Variants in MTHFD1L observed in about 807,000 individuals in gnomAD.
MTHFD1L encodes methylenetetrahydrofolate dehydrogenase (NADP+ dependent) 1 like.
Under a neutral mutation model 119.5 loss-of-function variants are expected in MTHFD1L, and 81 were observed. The ratio of observed to expected loss-of-function variants is 0.68; its 90% confidence interval spans 0.57 to 0.82. The LOEUF is 0.82. Ranked by LOEUF, MTHFD1L falls within the 40% of genes least tolerant of loss-of-function variation. The pLI, the probability that MTHFD1L is intolerant of heterozygous loss-of-function variation, is 0.00. For missense variants in MTHFD1L, 1,125 were observed against 1,253.4 expected (o/e 0.90, Z 1.55); for synonymous variants, 430 against 475.2 (o/e 0.90, Z 1.24).
At chr6:151,013,630 T>C (rs766652927) in intron 21 of MTHFD1L, 149 bp from the exon 22 acceptor site, 27 of 725,614 alleles carry the variant, frequency 3.7e-5, no homozygotes, top group Non-Finnish European at 6.0e-5. Flanking sequence ...AGTTTAGGTT[T>C]AGCCAGTGCT....
At chr6:150,980,080 T>G (rs1312918963) in intron 20 of MTHFD1L, among the ~76,000 whole-genome samples, 3 of 152,254 alleles carry the variant, frequency 2.0e-5, no homozygotes, top group Non-Finnish European at 4.4e-5. Flanking sequence ...GATCTCAGCC[T>G]GGGCTCCACT....
intron 26 of MTHFD1L, among the ~76,000 whole-genome samples, chr6:151,065,957 G>T (rs965026291): frequency 6.6e-6 from 1 of 152,238 alleles, no homozygotes; most frequent in Non-Finnish European, 1.5e-5. Flanking sequence ...GCAGGTGTAT[G>T]TTGGAGTCCA....
chr6:151,076,939 C>T (rs1301611776), intron 26 of MTHFD1L, among the ~76,000 whole-genome samples: 1 of 152,098 alleles, frequency 6.6e-6, no homozygotes, highest in East Asian at 1.9e-4. Context: ...TTGACATGTG[C>T]AGTTTATTGT....
chr6:150,983,688 A>G (rs1459346893), intron 20 of MTHFD1L, among the ~76,000 whole-genome samples: 1 of 152,180 alleles, frequency 6.6e-6, no homozygotes, highest in Non-Finnish European at 1.5e-5. Flanking sequence ...CAATCCTAGG[A>G]ACTGTTACGT....
intron 1 of MTHFD1L, among the ~76,000 whole-genome samples, chr6:150,872,603 A>G (rs1329227481): frequency 6.6e-6 from 1 of 152,170 alleles, no homozygotes; most frequent in Non-Finnish European, 1.5e-5. Context: ...TCACCAGAAC[A>G]AACATACTAA....
chr6:150,953,108 T>A (rs140639680), intron 16 of MTHFD1L, among the ~76,000 whole-genome samples: 263 of 152,248 alleles, frequency 1.7e-3, no homozygotes, highest in African/African-American at 6.1e-3. Flanking sequence ...CCTCAGGGAA[T>A]CAACCATCAA....
At chr6:151,063,718 C>G (rs1051258621) in intron 26 of MTHFD1L, among the ~76,000 whole-genome samples, 4 of 152,020 alleles carry the variant, frequency 2.6e-5, no homozygotes, top group Non-Finnish European at 5.9e-5. Context: ...CAAACTTATG[C>G]AAATGTATTT....
intron 26 of MTHFD1L, among the ~76,000 whole-genome samples, chr6:151,054,248 T>A (rs1429800847): frequency 2.0e-5 from 3 of 152,158 alleles, no homozygotes; most frequent in Non-Finnish European, 4.4e-5. Flanking sequence ...TACAACAACA[T>A]CACGAAAAAG....
chr6:151,062,188 G>A (rs894679464), intron 26 of MTHFD1L, among the ~76,000 whole-genome samples: 4 of 152,166 alleles, frequency 2.6e-5, no homozygotes, highest in East Asian at 3.9e-4. Context: ...TGTAATCCCA[G>A]CACTTTGGAA....
chr6:150,932,152 ACT>A (rs1463464549), intron 11 of MTHFD1L, among the ~76,000 whole-genome samples: 1 of 103,304 alleles, frequency 9.7e-6, no homozygotes, highest in African/African-American at 4.3e-5. Flanking sequence ...ACAGAGTGAG[ACT>A]CCATCTCAAA....
Position 150,911,555 on chromosome 6 carries a change from G to C in MTHFD1L, c.892+5794G>C, listed in dbSNP as rs922355380. ...TATGATGCTGGCATTTGCTTGGAAGGCCTTCTGGAAGGCCTCAGGAAACTT... is the reference window on the plus strand; with the variant it reads ...TATGATGCTGGCATTTGCTTGGAAGCCCTTCTGGAAGGCCTCAGGAAACTT... On this transcript the variant is annotated intron_variant, in intron 8 of 27. Coordinates refer to ENST00000367321, the MANE Select transcript of MTHFD1L (RefSeq NM_015440.5). Among the ~76,000 whole-genome samples the C allele has an allele frequency of 4.6e-5, 7 of 152,238 alleles. No homozygotes were observed. In the South Asian group the frequency reaches 1.5e-3, roughly 32 times the overall value.
chr6:151,048,856 G>A lies in MTHFD1L; in HGVS notation c.2847+11739G>A, dbSNP rs544386909. Among the ~76,000 whole-genome samples, 3 of 152,304 alleles carry A rather than the reference G, an allele frequency of 2.0e-5. No individual in the cohort carries two copies. The East Asian group carries it at 5.8e-4, about 29-fold the overall frequency. ...TCAACAATAGCACGCTTCTGTGGCTGGCTGTGTGGGGGCTTTTCCTTACAC... is the reference window on the plus strand; with the variant it reads ...TCAACAATAGCACGCTTCTGTGGCTAGCTGTGTGGGGGCTTTTCCTTACAC... On this transcript the variant is annotated intron_variant, in intron 26 of 27. Coordinates refer to ENST00000367321, the MANE Select transcript of MTHFD1L (RefSeq NM_015440.5).
intron 25 of MTHFD1L, among the ~76,000 whole-genome samples, chr6:151,035,079 G>A (rs1300055285): frequency 2.0e-5 from 3 of 152,212 alleles, no homozygotes; most frequent in East Asian, 3.9e-4. Flanking sequence ...TTATGCAAGC[G>A]GTTCACTGGC....
intron 8 of MTHFD1L, among the ~76,000 whole-genome samples, chr6:150,907,410 G>A (rs185428088): frequency 2.6e-5 from 4 of 152,266 alleles, no homozygotes; most frequent in East Asian, 1.9e-4. Context: ...GATGTTCCTC[G>A]ACTGACCATG....
chr6:150,954,217 A>G lies in MTHFD1L; in HGVS notation c.1727-1778A>G, dbSNP rs150101239. Among the ~76,000 whole-genome samples the G allele has an allele frequency of 2.0e-3, 307 of 152,364 alleles. 1 individual carries two copies. Among genetic ancestry groups the G allele is most frequent in the African/African-American group, 7.1e-3 (296 of 41,586 alleles). ...CCATCACCATTTTCATAAGTGCTGT[A>G]TCGTATACATTGAGTAAAGTGGATC... is the stretch of plus-strand genomic sequence containing the variant. On this transcript the variant is annotated intron_variant, in intron 16 of 27. Transcript: ENST00000367321.
chr6:151,056,666 G>A (rs1175425932), intron 26 of MTHFD1L, among the ~76,000 whole-genome samples: 1 of 152,124 alleles, frequency 6.6e-6, no homozygotes, highest in African/African-American at 2.4e-5. Flanking sequence ...TCACCAATAC[G>A]CAACAGCAGG....
rs1784942657 is a variant in MTHFD1L at position 151,028,882 on chromosome 6, C to T, written c.2587-5611C>T. Among the ~76,000 whole-genome samples, 3 of 151,890 alleles carry T rather than the reference C, an allele frequency of 2.0e-5. No individual in the cohort carries two copies. The South Asian group carries it at 6.2e-4, about 32-fold the overall frequency. On this transcript the variant is annotated intron_variant, in intron 24 of 27. Transcript: ENST00000367321. The stretch of plus-strand genomic sequence containing the variant: ...CTTGAGCCCAGGAGTTCAAGACCAG[C>T]CTGGACAACATAGCAAGACCCCCAT...
chr6:151,087,766 AT>A, intron 26 of MTHFD1L, among the ~76,000 whole-genome samples: 1 of 152,352 alleles, frequency 6.6e-6, no homozygotes, highest in South Asian at 2.1e-4. Context: ...CATAAAGGCT[AT>A]TGATAGAACT....
intron 4 of MTHFD1L, among the ~76,000 whole-genome samples, chr6:150,880,347 A>G (rs1322543620): frequency 6.6e-6 from 1 of 152,158 alleles, no homozygotes; most frequent in African/African-American, 2.4e-5. Context: ...TGTAAGTGAC[A>G]TCCTATGATA....
Sources: gnomAD v4.1 joint callset for allele counts (sites outside exome capture counted in the v4.1 genomes callset) on GRCh38, gnomAD v4.1.1 for gene constraint, MANE v1.5 for transcripts, NCBI Gene and HGNC (gene_info 2026-07-23, HGNC 2026-07-21) for gene names.